The following NAALADL2 variants were observed in gnomAD, a reference collection of about 807,000 sequenced individuals.
The protein encoded by NAALADL2 is N-acetylated alpha-linked acidic dipeptidase like 2.
In NAALADL2, 76 loss-of-function variants were observed where a neutral mutation model predicts 87.2. The observed-to-expected ratio is 0.87, with a 90% CI of 0.72 to 1.05. NAALADL2 has a LOEUF of 1.05. Among genes scored for constraint, NAALADL2 ranks in the 50% least tolerant of loss-of-function variants. The pLI, the probability that NAALADL2 is intolerant of heterozygous loss-of-function variation, is 0.00. For synonymous variants in NAALADL2, 354 were observed against 331.0 expected, an observed-to-expected ratio of 1.07 and a Z score of -0.75; for missense variants, 1,089 against 945.8, an observed-to-expected ratio of 1.15 and a Z score of -1.99.
chr3:175,440,821 T>C (rs1453387826), intron 5 of NAALADL2, among the ~76,000 whole-genome samples: 6 of 152,182 alleles, frequency 3.9e-5, no homozygotes, highest in Non-Finnish European at 8.8e-5. Flanking sequence ...TATGATCATG[T>C]CATCAGCAAA....
chr3:175,546,933 G>T (rs930529418), intron 9 of NAALADL2, among the ~76,000 whole-genome samples: 5 of 152,042 alleles, frequency 3.3e-5, no homozygotes, highest in African/African-American at 1.2e-4. Context: ...AGAAACAAAT[G>T]AAAAAGAAAT....
chr3:174,757,052 A>T (rs972465300), intron 3 of NAALADL2, among the ~76,000 whole-genome samples: 6 of 152,226 alleles, frequency 3.9e-5, no homozygotes, highest in African/African-American at 1.4e-4. Flanking sequence ...AATTGTCAGT[A>T]TGCAGTATTC....
chr3:175,631,301 A>T (rs1046186348), intron 11 of NAALADL2, among the ~76,000 whole-genome samples: 3 of 151,798 alleles, frequency 2.0e-5, no homozygotes, highest in Non-Finnish European at 2.9e-5. Context: ...TTGTTACATG[A>T]ACAGATCTCA....
intron 4 of NAALADL2, among the ~76,000 whole-genome samples, chr3:175,271,590 G>A (rs1037414161): frequency 1.3e-5 from 2 of 152,094 alleles, no homozygotes; most frequent in Non-Finnish European, 2.9e-5. Context: ...TCAGGAGCTC[G>A]AGACCAGCCT....
intron 13 of NAALADL2, among the ~76,000 whole-genome samples, chr3:175,799,703 T>G (rs758636067): frequency 7.2e-5 from 11 of 152,176 alleles, no homozygotes; most frequent in Non-Finnish European, 1.3e-4. Flanking sequence ...TTAGGGAAAC[T>G]TTCAATAAGT....
intron 2 of NAALADL2, among the ~76,000 whole-genome samples, chr3:174,733,060 C>A (rs1467812238): frequency 2.0e-5 from 3 of 151,914 alleles, no homozygotes; most frequent in Non-Finnish European, 4.4e-5. Context: ...GTTGAGTGGG[C>A]TTTTTATTTA....
chr3:174,722,016 C>G (rs1731755197), intron 2 of NAALADL2, among the ~76,000 whole-genome samples: 1 of 152,250 alleles, frequency 6.6e-6, no homozygotes, highest in East Asian at 1.9e-4. Context: ...CAGCCAAGAC[C>G]AAGAGCTCAG....
chr3:174,696,261 C>G (rs1239992564), intron 2 of NAALADL2, among the ~76,000 whole-genome samples: 2 of 151,878 alleles, frequency 1.3e-5, no homozygotes, highest in Non-Finnish European at 2.9e-5. Flanking sequence ...TTATTATTTA[C>G]TCAATTATAT....
chr3:174,650,832 G>T (rs898369733), intron 2 of NAALADL2, among the ~76,000 whole-genome samples: 1 of 152,128 alleles, frequency 6.6e-6, no homozygotes, highest in East Asian at 1.9e-4. Flanking sequence ...AGGCTTCAGT[G>T]AAGTTGCATT....
At chr3:175,465,251 CA>C (rs563877269) in intron 7 of NAALADL2, among the ~76,000 whole-genome samples, 19,381 of 84,096 alleles carry the variant, frequency 0.23, 1,765 homozygotes, top group African/African-American at 0.4. Context: ...GACTCTATCT[CA>C]AAAAAAAAAA....
chr3:174,555,223 G>T (rs1712614047), intron 2 of NAALADL2, among the ~76,000 whole-genome samples: 1 of 152,164 alleles, frequency 6.6e-6, no homozygotes, highest in Non-Finnish European at 1.5e-5. Flanking sequence ...AGAGCAAAAA[G>T]AGAAAAGCAT....
At chr3:175,432,442 A>G (rs1204235589) in intron 5 of NAALADL2, among the ~76,000 whole-genome samples, 1 of 151,974 alleles carries the variant, frequency 6.6e-6, no homozygotes, top group African/African-American at 2.4e-5. Context: ...ATCTCCCAGT[A>G]CTTACTCAGT....
At chr3:174,967,548 T>A (rs895440195) in intron 1 of NAALADL2, among the ~76,000 whole-genome samples, 3 of 152,162 alleles carry the variant, frequency 2.0e-5, no homozygotes, top group Non-Finnish European at 4.4e-5. Flanking sequence ...TTTCAGAATT[T>A]CTGAGCCTAG....
intron 1 of NAALADL2, among the ~76,000 whole-genome samples, chr3:175,043,095 T>C (rs1754268163): frequency 6.6e-6 from 1 of 152,128 alleles, no homozygotes; most frequent in Admixed American, 6.6e-5. Context: ...ACCATCAGAA[T>C]CAGAAGGCCA....
intron 9 of NAALADL2, among the ~76,000 whole-genome samples, chr3:175,557,934 C>T (rs1455628210): frequency 2.0e-5 from 3 of 152,252 alleles, no homozygotes; most frequent in African/African-American, 7.2e-5. Flanking sequence ...GTGGCTCACG[C>T]CTGTAATCCC....
intron 2 of NAALADL2, among the ~76,000 whole-genome samples, chr3:174,643,915 AT>A (rs1400246593): frequency 6.6e-6 from 1 of 152,182 alleles, no homozygotes; most frequent in Non-Finnish European, 1.5e-5. Flanking sequence ...AGTTGAAAAG[AT>A]CCTGTATTTC....
chr3:175,249,891 G>A (rs567514966), intron 3 of NAALADL2, among the ~76,000 whole-genome samples: 2 of 152,164 alleles, frequency 1.3e-5, no homozygotes, highest in East Asian at 1.9e-4. Flanking sequence ...TATTCTTGCC[G>A]GGTGCAGTGG....
chr3:174,989,207 C>G (rs903796199), intron 1 of NAALADL2, among the ~76,000 whole-genome samples: 1 of 152,164 alleles, frequency 6.6e-6, no homozygotes, highest in Admixed American at 6.5e-5. Flanking sequence ...CATCGGGCCC[C>G]ACCTCCAACA....
intron 13 of NAALADL2, among the ~76,000 whole-genome samples, chr3:175,783,802 C>T (rs1457335723): frequency 6.7e-6 from 1 of 149,728 alleles, no homozygotes; most frequent in Non-Finnish European, 1.5e-5. Context: ...GGAATGCTTC[C>T]AGTTTTTGCC....
Sources: allele counts gnomAD v4.1 joint callset (sites outside exome capture counted in the v4.1 genomes callset), GRCh38; gene constraint gnomAD v4.1.1; transcripts MANE v1.5; gene names NCBI Gene and HGNC (gene_info 2026-07-23, HGNC 2026-07-21).